The following TUB variants were observed in gnomAD, a reference collection of about 807,000 sequenced individuals.
TUB encodes the protein TUB bipartite transcription factor.
TUB carries 33 observed loss-of-function variants against 59.7 expected under a neutral mutation model. The observed-to-expected ratio is 0.55, with a 90% confidence interval of 0.42 to 0.74. The LOEUF is 0.74. Ranked by LOEUF, TUB falls within the 30% of genes least tolerant of loss-of-function variation. TUB has a pLI of 0.00. For synonymous variants in TUB, 293 were observed against 256.4 expected (o/e 1.14, Z -1.36); for missense variants, 659 against 672.0 (o/e 0.98, Z 0.21).
Position 8,100,702 on chromosome 11 carries a change from C to T in TUB, c.1215+101C>T, listed in dbSNP as rs557669750. 7.4e-6 allele frequency: 11 copies of T among 1,480,774 alleles called. No individual in the cohort carries two copies. In the African/African-American group the frequency reaches 1.4e-4, roughly 19 times the overall value. The allele number at this position is 1,480,774 out of a possible 1,614,324, so 91.7% of individuals were successfully genotyped here. A position where few individuals can be genotyped will look rare whatever the true frequency, so the allele number is the denominator to read the frequency against. ...GCTGATGTGTGTATGTGGAGGGGTA[C>T]CATGTGAGAAAGCCCTGGAGGTCTA... is the stretch of plus-strand genomic sequence containing the variant. On this transcript the variant is annotated intron_variant, in intron 10 of 11. Coordinates refer to ENST00000299506, the MANE Select transcript of TUB (RefSeq NM_177972.3).
intron 2 of TUB, among the ~76,000 whole-genome samples, chr11:8,065,664 A>T (rs1230597599): frequency 1.3e-5 from 2 of 152,134 alleles, no homozygotes. Context: ...ACTCTAGACG[A>T]GGTGGAGGGT....
intron 2 of TUB, among the ~76,000 whole-genome samples, chr11:8,055,144 G>T (rs1942998640): frequency 6.6e-6 from 1 of 152,220 alleles, no homozygotes; most frequent in South Asian, 2.1e-4. Context: ...AGCATCTTCT[G>T]CAAGGACCAG....
intron 2 of TUB, among the ~76,000 whole-genome samples, chr11:8,041,582 C>T (rs539844798): frequency 5.5e-4 from 83 of 152,198 alleles, no homozygotes; most frequent in Non-Finnish European, 1.1e-3. Context: ...ACTGTTCCAC[C>T]TGTGAAACCT....
At chr11:8,047,715 G>A (rs2133747101) in intron 2 of TUB, among the ~76,000 whole-genome samples, 1 of 152,296 alleles carries the variant, frequency 6.6e-6, no homozygotes, top group Non-Finnish European at 1.5e-5. Context: ...TTGTTTCAAA[G>A]GGATCCCTGA....
chr11:8,065,414 C>G (rs1440747420), intron 2 of TUB, among the ~76,000 whole-genome samples: 1 of 152,150 alleles, frequency 6.6e-6, no homozygotes, highest in Non-Finnish European at 1.5e-5. Context: ...TCGTGTGAGT[C>G]TTAGATTCAG....
intron 4 of TUB, among the ~76,000 whole-genome samples, chr11:8,095,234 C>T (rs916104933): frequency 6.6e-6 from 1 of 152,180 alleles, no homozygotes; most frequent in Non-Finnish European, 1.5e-5. Context: ...TGGCTGCCGT[C>T]TGCTTTAAGG....
chr11:8,066,619 A>C (rs1943247335), intron 2 of TUB, among the ~76,000 whole-genome samples: 1 of 152,192 alleles, frequency 6.6e-6, no homozygotes. Flanking sequence ...ACCGCTCAGC[A>C]GCTAGAGGAG....
intron 2 of TUB, among the ~76,000 whole-genome samples, chr11:8,052,477 T>C (rs1589934572): frequency 7.0e-6 from 1 of 143,374 alleles, no homozygotes; most frequent in Non-Finnish European, 1.5e-5. Context: ...TTTTTTTTTT[T>C]TTTTTTTTTT....
chr11:8,051,101 T>C (rs954077161), intron 2 of TUB, among the ~76,000 whole-genome samples: 1 of 152,180 alleles, frequency 6.6e-6, no homozygotes, highest in Non-Finnish European at 1.5e-5. Flanking sequence ...TTGTTTCTTT[T>C]ATTTGCTTTG....
At chr11:8,048,330 A>G (rs369440752) in intron 2 of TUB, among the ~76,000 whole-genome samples, 1 of 152,322 alleles carries the variant, frequency 6.6e-6, no homozygotes, top group East Asian at 1.9e-4. Context: ...AAGTGAATGA[A>G]TGTTTTAATT....
intron 4 of TUB, 73 bp downstream of exon 4, chr11:8,094,262 C>T: frequency 1.3e-6 from 2 of 1,502,176 alleles, no homozygotes; most frequent in Non-Finnish European, 8.9e-7. Context: ...GGTTTGTCCT[C>T]CTGACTTGGA....
At position 8,063,216 on chromosome 11, in the gene TUB, C is replaced by G. The variant is rs566972657; in HGVS notation, c.203+23524C>G. Among the ~76,000 whole-genome samples, 41 of 152,258 alleles carry G rather than the reference C, an allele frequency of 2.7e-4. No individual in the cohort carries two copies. In the South Asian group the frequency reaches 7.3e-3, roughly 27 times the overall value. ...AGAGATGAGATGTCAGAAAGGACTC[C>G]CTGGAGATGAGCGCACACAAGGACA... On this transcript the variant is annotated intron_variant, in intron 2 of 12. Transcript: ENST00000305253.
rs146967966 is a variant in TUB, at chr11:8,044,606, A to G, written c.203+4914A>G. 2.8e-3 allele frequency among the ~76,000 whole-genome samples: 428 copies of G among 152,346 alleles called. 5 individuals are homozygous for G. The highest frequency in any genetic ancestry group is 9.8e-3 in the African/African-American group (407 of 41,568). On this transcript the variant is annotated intron_variant, in intron 2 of 12. Transcript: ENST00000305253. ...CCAATTTGGCAACTCTCTAGATGCC[A>G]ACTGAGGGTCCTGCAATTTAATTTG...
intron 2 of TUB, among the ~76,000 whole-genome samples, chr11:8,057,170 C>T (rs1365388487): frequency 1.3e-5 from 2 of 152,056 alleles, no homozygotes; most frequent in Non-Finnish European, 2.9e-5. Flanking sequence ...CTGGAACTGG[C>T]CCACAGACAG....
intron 3 of TUB, among the ~76,000 whole-genome samples, chr11:8,090,475 T>C (rs943439249): frequency 2.0e-5 from 3 of 152,352 alleles, no homozygotes; most frequent in Admixed American, 2.0e-4. Context: ...AAACCTTTTA[T>C]GAGGCCAGGA....
rs531481206 is a variant in TUB, at chr11:8,052,387, T to C, written c.203+12695T>C. Among the ~76,000 whole-genome samples the C allele has an allele frequency of 9.5e-4, 145 of 152,256 alleles. 1 individual carries two copies. The highest frequency in any genetic ancestry group is 3.3e-3 in the African/African-American group (139 of 41,562). ...TTATTATTAATAGAATTGTAGTTTG[T>C]TTTCATGTATGTCGAAGGCATTTCT... On this transcript the variant is annotated intron_variant, in intron 2 of 12. Coordinates refer to the TUB transcript ENST00000305253.
intron 2 of TUB, among the ~76,000 whole-genome samples, chr11:8,051,896 G>T (rs1942940510): frequency 6.6e-6 from 1 of 152,208 alleles, no homozygotes; most frequent in South Asian, 2.1e-4. Context: ...GCCCCAAATG[G>T]ATAGCAAGTT....
intron 1 of TUB, among the ~76,000 whole-genome samples, chr11:8,025,804 TG>T (rs1942492951): frequency 6.6e-6 from 1 of 152,246 alleles, no homozygotes; most frequent in African/African-American, 2.4e-5. Flanking sequence ...CGTATACTTT[TG>T]TTTCTCTTAG....
intron 1 of TUB, among the ~76,000 whole-genome samples, chr11:8,029,703 C>G (rs1180839056): frequency 6.6e-6 from 1 of 152,128 alleles, no homozygotes. Context: ...TGAGCACTCT[C>G]TAGTTCTGAC....
Sources: gnomAD v4.1 joint callset for allele counts (sites outside exome capture counted in the v4.1 genomes callset) on GRCh38, gnomAD v4.1.1 for gene constraint, MANE v1.5 for transcripts, NCBI Gene and HGNC (gene_info 2026-07-23, HGNC 2026-07-21) for gene names.